Variants in CAMTA1 observed in about 807,000 individuals in gnomAD.
CAMTA1 encodes calmodulin binding transcription activator 1.
A neutral mutation model predicts 170.9 loss-of-function variants in CAMTA1; 27 were observed. The ratio of observed to expected loss-of-function variants is 0.16; its 90% CI spans 0.12 to 0.22. CAMTA1 has a LOEUF of 0.22. Among genes scored for constraint, CAMTA1 ranks in the 10% least tolerant of loss-of-function variants. CAMTA1 has a pLI of 1.00. For synonymous variants in CAMTA1, 833 were observed against 891.5 expected (o/e 0.93, Z 1.17); for missense variants, 1,619 against 2,217.2 (o/e 0.73, Z 5.42).
At chr1:7,500,243 G>A (rs1168407242) in intron 6 of CAMTA1, among the ~76,000 whole-genome samples, 1 of 144,468 alleles carries the variant, frequency 6.9e-6, no homozygotes, top group Non-Finnish European at 1.5e-5. Flanking sequence ...TCATGAGTGA[G>A]TGTGTAGAGA....
At chr1:6,867,319 G>A (rs1380588708) in intron 3 of CAMTA1, among the ~76,000 whole-genome samples, 1 of 151,976 alleles carries the variant, frequency 6.6e-6, no homozygotes, top group African/African-American at 2.4e-5. Flanking sequence ...TTAACTTGTA[G>A]TTTTCGCTTT....
At chr1:7,670,774 G>C (rs566911324) in intron 9 of CAMTA1, 137 bp from the exon 10 acceptor site, 2 of 945,536 alleles carry the variant, frequency 2.1e-6, no homozygotes, top group Admixed American at 4.6e-5. Flanking sequence ...GCAATCCCTG[G>C]AGTGAGGGCC....
At chr1:7,508,202 T>G (rs2094148860) in intron 6 of CAMTA1, among the ~76,000 whole-genome samples, 1 of 152,196 alleles carries the variant, frequency 6.6e-6, no homozygotes, top group South Asian at 2.1e-4. Context: ...AGCTTGGGCT[T>G]GAAGCAGGGC....
chr1:7,448,520 C>T (rs960027400), intron 5 of CAMTA1, among the ~76,000 whole-genome samples: 1 of 152,184 alleles, frequency 6.6e-6, no homozygotes, highest in Admixed American at 6.5e-5. Flanking sequence ...CAGAGCCTGT[C>T]CCAGTCTGTC....
At chr1:7,627,465 T>A (rs1434011488) in intron 6 of CAMTA1, among the ~76,000 whole-genome samples, 1 of 152,246 alleles carries the variant, frequency 6.6e-6, no homozygotes, top group Non-Finnish European at 1.5e-5. Flanking sequence ...CTGGCCCTTC[T>A]GAAGGTTTCC....
At chr1:7,631,473 G>A (rs1339680372) in intron 6 of CAMTA1, among the ~76,000 whole-genome samples, 1 of 152,214 alleles carries the variant, frequency 6.6e-6, no homozygotes, top group Admixed American at 6.5e-5. Context: ...TGCACCTGTG[G>A]GTTGTAGAAC....
At chr1:6,844,592 G>C (rs1362541256) in intron 3 of CAMTA1, among the ~76,000 whole-genome samples, 1 of 151,238 alleles carries the variant, frequency 6.6e-6, no homozygotes, top group Non-Finnish European at 1.5e-5. Flanking sequence ...AGCCTGAGGT[G>C]GGAGAATTGC....
chr1:7,000,593 G>A (rs1160943168), intron 3 of CAMTA1, among the ~76,000 whole-genome samples: 1 of 152,220 alleles, frequency 6.6e-6, no homozygotes, highest in Non-Finnish European at 1.5e-5. Context: ...CTGAGAGGGA[G>A]CAGGTGCCTT....
intron 4 of CAMTA1, among the ~76,000 whole-genome samples, chr1:7,125,679 G>C (rs985505701): frequency 6.6e-6 from 1 of 152,156 alleles, no homozygotes; most frequent in African/African-American, 2.4e-5. Flanking sequence ...AGCTGGCCCC[G>C]GGGCGACTGG....
chr1:7,755,577 A>G (rs2096926266), intron 21 of CAMTA1, 61 bp from the exon 22 acceptor site: 1 of 1,259,634 alleles, frequency 7.9e-7, no homozygotes, highest in East Asian at 2.3e-5. Flanking sequence ...AGCTATTTGT[A>G]AGATTTCTGT....
At chr1:7,464,384 C>T (rs1293311580) in intron 5 of CAMTA1, among the ~76,000 whole-genome samples, 1 of 152,248 alleles carries the variant, frequency 6.6e-6, no homozygotes, top group African/African-American at 2.4e-5. Context: ...CAAATCACTA[C>T]AGACAAACTT....
At chr1:7,310,137 C>G (rs1216898398) in intron 5 of CAMTA1, among the ~76,000 whole-genome samples, 1 of 152,170 alleles carries the variant, frequency 6.6e-6, no homozygotes, top group South Asian at 2.1e-4. Context: ...TCTTAGTTTT[C>G]CTTCACATGA....
intron 5 of CAMTA1, among the ~76,000 whole-genome samples, chr1:7,396,186 G>C (rs72853163): frequency 6.6e-6 from 1 of 152,058 alleles, no homozygotes; most frequent in Non-Finnish European, 1.5e-5. Flanking sequence ...TAGTTCCCAC[G>C]ATAGCTTGTT....
chr1:7,571,481 T>C (rs2095125405), intron 6 of CAMTA1, among the ~76,000 whole-genome samples: 1 of 152,182 alleles, frequency 6.6e-6, no homozygotes, highest in African/African-American at 2.4e-5. Flanking sequence ...ATCCTTTCCC[T>C]CCTCCCACCT....
chr1:6,834,219 T>A (rs955474095), intron 3 of CAMTA1: 32 of 151,272 alleles, frequency 2.1e-4, no homozygotes, highest in African/African-American at 6.8e-4. Flanking sequence ...ATTCAGTAGT[T>A]GTTTATTTTT....
intron 3 of CAMTA1, among the ~76,000 whole-genome samples, chr1:6,945,244 G>A (rs117124203): frequency 1.3e-5 from 2 of 152,318 alleles, no homozygotes; most frequent in East Asian, 3.9e-4. Context: ...CATGGATTTA[G>A]TGTATTCAGG....
At chr1:7,343,669 C>T (rs2084007581) in intron 5 of CAMTA1, among the ~76,000 whole-genome samples, 1 of 152,206 alleles carries the variant, frequency 6.6e-6, no homozygotes, top group Non-Finnish European at 1.5e-5. Context: ...AAGGTCATCA[C>T]AACCCTGAAT....
chr1:7,177,474 C>T (rs1208668395), intron 4 of CAMTA1, among the ~76,000 whole-genome samples: 1 of 148,622 alleles, frequency 6.7e-6, no homozygotes, highest in Non-Finnish European at 1.5e-5. Flanking sequence ...CCTGAGGCCC[C>T]CCCACACACA....
At chr1:7,194,880 C>T (rs1257975517) in intron 4 of CAMTA1, among the ~76,000 whole-genome samples, 1 of 152,162 alleles carries the variant, frequency 6.6e-6, no homozygotes, top group Non-Finnish European at 1.5e-5. Context: ...CCTGCAAGGC[C>T]CTCCTTCTCC....
Sources: allele counts gnomAD v4.1 joint callset (sites outside exome capture counted in the v4.1 genomes callset), GRCh38; gene constraint gnomAD v4.1.1; transcripts MANE v1.5; gene names NCBI Gene and HGNC (gene_info 2026-07-23, HGNC 2026-07-21).